CACUL1: variants seen among roughly 807,000 people sequenced by gnomAD.
The protein encoded by CACUL1 is CDK2 associated cullin domain 1.
In CACUL1, 13 loss-of-function variants were observed where a neutral mutation model predicts 45.2. The observed-to-expected ratio is 0.29, with a 90% confidence interval of 0.19 to 0.46. The LOEUF (loss-of-function observed/expected upper bound fraction) is 0.46. Among genes scored for constraint, CACUL1 ranks in the 20% least tolerant of loss-of-function variants. The probability of loss-of-function intolerance (pLI) is 1.00; values close to 1 mark genes in which losing one functional copy is unlikely to be tolerated. For synonymous variants in CACUL1, 197 were observed against 174.2 expected, an observed-to-expected ratio of 1.13 and a Z score of -1.03; for missense variants, 421 against 471.4, an observed-to-expected ratio of 0.89 and a Z score of 0.99.
Position 118,681,527 on chromosome 10 carries a change from T to G in CACUL1, c.*4601A>C, listed in dbSNP as rs368564720. The G allele has an allele frequency of 2.6e-5, 4 of 152,178 alleles. No homozygotes were observed. In the East Asian group the frequency reaches 5.8e-4, roughly 22 times the overall value. The allele number at this position is 152,178 out of a possible 1,614,324, so 9.4% of individuals were successfully genotyped here. A position where few individuals can be genotyped will look rare whatever the true frequency, so the allele number is the denominator to read the frequency against. On this transcript the variant is annotated 3_prime_UTR_variant, in exon 9 of 9. Coordinates refer to ENST00000369151, the MANE Select transcript of CACUL1 (RefSeq NM_153810.5). ...GTGAGAATCAATACAAAATATTTAT[T>G]TTTTTTCAAACCACAGAATTCTTAA...
chr10:118,723,570 C>T (rs1220557498), intron 3 of CACUL1, among the ~76,000 whole-genome samples: 1 of 152,124 alleles, frequency 6.6e-6, no homozygotes, highest in Admixed American at 6.5e-5. Flanking sequence ...GATGAATTCT[C>T]CCAATTCTTG....
chr10:118,741,517 T>A (rs1011467330), intron 1 of CACUL1, among the ~76,000 whole-genome samples: 3 of 152,080 alleles, frequency 2.0e-5, no homozygotes, highest in Non-Finnish European at 4.4e-5. Flanking sequence ...CTTCCACGTC[T>A]GGGTCAAAGG....
intron 3 of CACUL1, among the ~76,000 whole-genome samples, chr10:118,723,017 C>G (rs1346859060): frequency 2.0e-5 from 3 of 152,230 alleles, no homozygotes; most frequent in Non-Finnish European, 4.4e-5. Context: ...TGAGCTGCTA[C>G]TCTAGACACA....
intron 5 of CACUL1, among the ~76,000 whole-genome samples, chr10:118,696,397 C>T (rs1048794916): frequency 2.0e-5 from 3 of 152,180 alleles, no homozygotes; most frequent in Non-Finnish European, 4.4e-5. Context: ...AATCCCAACA[C>T]TTTGGGAGGC....
intron 4 of CACUL1, among the ~76,000 whole-genome samples, chr10:118,704,125 T>C (rs1845411187): frequency 6.6e-6 from 1 of 151,998 alleles, no homozygotes; most frequent in South Asian, 2.1e-4. Context: ...GTGCTTAGGC[T>C]CATGCCTTTA....
In CACUL1 at chr10:118,738,180, G is replaced by A. The variant is rs529207291; in HGVS notation, c.368-7770C>T. On this transcript the variant is annotated intron_variant, in intron 1 of 8. Transcript: ENST00000369151. The stretch of plus-strand genomic sequence containing the variant: ...GGCCCCTGAGAAGATCAGGACTTGA[G>A]GACATAATACTATGAACAGGCATTT... Among the ~76,000 whole-genome samples, 192 of 152,258 alleles carry A rather than the reference G, an allele frequency of 1.3e-3. 4 individuals carry two copies. Among genetic ancestry groups the A allele is most frequent in the Admixed American group, 0.013 (192 of 15,294 alleles).
At chr10:118,715,440 C>A (rs1845532905) in intron 3 of CACUL1, among the ~76,000 whole-genome samples, 1 of 152,156 alleles carries the variant, frequency 6.6e-6, no homozygotes, top group Admixed American at 6.5e-5. Flanking sequence ...AGTCAAGAGA[C>A]TTAAATATAC....
chr10:118,754,951 G>A lies in CACUL1; in HGVS notation c.-189C>T. 1 of 692,958 alleles carries A rather than the reference G, an allele frequency of 1.4e-6. No individual in the cohort carries two copies. Among genetic ancestry groups the A allele is most frequent in the Non-Finnish European group, 2.2e-6 (1 of 455,104 alleles). 42.9% of individuals were successfully genotyped at this position (692,958 alleles called of 1,614,324 possible). A position where few individuals can be genotyped will look rare whatever the true frequency, so the allele number is the denominator to read the frequency against. ...CTAGCTTGAAGACGCGGCTGACGGC[G>A]GTGGGCGCTCCGGGGCTCTAGTCTG... On this transcript the variant is annotated 5_prime_UTR_variant, in exon 1 of 9. Coordinates refer to ENST00000369151, the MANE Select transcript of CACUL1 (RefSeq NM_153810.5).
chr10:118,701,472 G>A, intron 4 of CACUL1, 64 bp from the exon 5 acceptor site: 1 of 840,748 alleles, frequency 1.2e-6, no homozygotes, highest in Non-Finnish European at 1.8e-6. Context: ...CTAATGAACT[G>A]GAGCACTAAA....
chr10:118,688,801 G>A (rs1160137576), intron 7 of CACUL1, among the ~76,000 whole-genome samples: 2 of 152,164 alleles, frequency 1.3e-5, no homozygotes, highest in Non-Finnish European at 2.9e-5. Flanking sequence ...GTTAATTCCA[G>A]CCTACCCTAT....
At chr10:118,700,633 CGT>C in intron 5 of CACUL1, among the ~76,000 whole-genome samples, 1 of 148,540 alleles carries the variant, frequency 6.7e-6, no homozygotes, top group Non-Finnish European at 1.5e-5. Context: ...AGGAGAATGG[CGT>C]GAACCCGAGA....
chr10:118,706,109 A>G (rs1252122744), intron 4 of CACUL1, among the ~76,000 whole-genome samples: 2 of 152,248 alleles, frequency 1.3e-5, no homozygotes, highest in Admixed American at 1.3e-4. Context: ...GAAAAGCGTG[A>G]ATCACCTTCC....
At chr10:118,711,786 T>G (rs1298899155) in intron 3 of CACUL1, among the ~76,000 whole-genome samples, 2 of 152,244 alleles carry the variant, frequency 1.3e-5, no homozygotes, top group African/African-American at 4.8e-5. Context: ...CAGCTTTTTC[T>G]ACAAAGTAAA....
chr10:118,686,769 T>C (rs1845212093), intron 7 of CACUL1, 128 bp from the exon 8 acceptor site: 5 of 685,588 alleles, frequency 7.3e-6, no homozygotes, highest in Admixed American at 4.9e-5. Flanking sequence ...AAAATACATA[T>C]TAAACATCTT....
chr10:118,698,863 G>A (rs1589604373), intron 5 of CACUL1, among the ~76,000 whole-genome samples: 2 of 152,300 alleles, frequency 1.3e-5, no homozygotes, highest in African/African-American at 2.4e-5. Flanking sequence ...CTGAAGCCAC[G>A]GGAAGGAAAT....
intron 5 of CACUL1, among the ~76,000 whole-genome samples, chr10:118,698,555 G>A (rs1395330423): frequency 6.6e-6 from 1 of 152,100 alleles, no homozygotes; most frequent in African/African-American, 2.4e-5. Flanking sequence ...TCTGAGCCGA[G>A]GACCTAAGAT....
intron 1 of CACUL1, among the ~76,000 whole-genome samples, chr10:118,748,761 T>C (rs1057258695): frequency 6.6e-6 from 1 of 152,184 alleles, no homozygotes; most frequent in Non-Finnish European, 1.5e-5. Context: ...GGATGAGGGA[T>C]AGTCAACCTG....
At chr10:118,730,542 A>G (rs1845688663) in intron 1 of CACUL1, 132 bp from the exon 2 acceptor site, 1 of 839,594 alleles carries the variant, frequency 1.2e-6, no homozygotes, top group Admixed American at 2.9e-5. Context: ...TCACCTAACT[A>G]TCCTATTTCA....
At chr10:118,700,872 G>A (rs1233330408) in intron 5 of CACUL1, among the ~76,000 whole-genome samples, 1 of 152,168 alleles carries the variant, frequency 6.6e-6, no homozygotes, top group African/African-American at 2.4e-5. Context: ...CTAAAATAGA[G>A]AATAAATGAC....
Sources: allele counts gnomAD v4.1 joint callset (sites outside exome capture counted in the v4.1 genomes callset), GRCh38; gene constraint gnomAD v4.1.1; transcripts MANE v1.5; gene names NCBI Gene and HGNC (gene_info 2026-07-23, HGNC 2026-07-21).